LPA: variants seen among roughly 807,000 people sequenced by gnomAD.
The protein encoded by LPA is lipoprotein(a).
In LPA, 199 loss-of-function variants were observed where a neutral mutation model predicts 197.9. The ratio of observed to expected loss-of-function variants is 1.01; its 90% CI spans 0.90 to 1.13. The LOEUF is 1.13. Ranked by LOEUF, LPA falls within the 50% of genes most tolerant of loss-of-function variation. LPA has a pLI of 0.00. For missense variants in LPA, 1,853 were observed against 1,785.8 expected (o/e 1.04, Z -0.68); for synonymous variants, 715 against 639.5 (o/e 1.12, Z -1.78).
chr6:160,661,344 G>C (rs960442319), intron 1 of LPA, among the ~76,000 whole-genome samples: 1 of 152,204 alleles, frequency 6.6e-6, no homozygotes, highest in Non-Finnish European at 1.5e-5. Context: ...GAGAAGCCTG[G>C]CTCTGAAAGC....
chr6:160,589,739 CT>C, intron 23 of LPA, 27 bp from the exon 24 acceptor site: 2 of 1,613,236 alleles, frequency 1.2e-6, no homozygotes, highest in Non-Finnish European at 1.7e-6. Flanking sequence ...AGAAAACAAA[CT>C]GAGTAATTTC....
chr6:160,594,120 GA>G lies in LPA; in HGVS notation c.3470-4del. 1 of 1,613,808 alleles carries G rather than the reference GA, an allele frequency of 6.2e-7. No homozygotes were observed. Among genetic ancestry groups the G allele is most frequent in the Non-Finnish European group, 8.5e-7 (1 of 1,179,764 alleles). On this transcript the variant is annotated splice_polypyrimidine_tract_variant and splice_region_variant and intron_variant, in intron 21 of 38. Coordinates refer to ENST00000316300, the MANE Select transcript of LPA (RefSeq NM_005577.4). ...CCCGGGGCTTTGCTCCGTTGGTGCT[GA>G]AATTCAAAGAGGAGAAATCAAGCTG...
intron 18 of LPA, 134 bp downstream of exon 18, chr6:160,604,912 G>A: frequency 5.0e-6 from 7 of 1,388,826 alleles, no homozygotes; most frequent in Non-Finnish European, 7.1e-6. Context: ...CAAAGACAAT[G>A]TTCCTGAGAC....
At chr6:160,650,981 G>A (rs889579805) in intron 1 of LPA, among the ~76,000 whole-genome samples, 12 of 152,142 alleles carry the variant, frequency 7.9e-5, no homozygotes, top group East Asian at 3.9e-4. Flanking sequence ...ATCTAGCACC[G>A]CAGGCAAAGC....
chr6:160,658,774 G>A (rs758348919), intron 1 of LPA, among the ~76,000 whole-genome samples: 6 of 151,942 alleles, frequency 3.9e-5, no homozygotes, highest in Non-Finnish European at 5.9e-5. Flanking sequence ...CAAAACCAAT[G>A]AAAGAATTCC....
chr6:160,591,245 TC>T, intron 22 of LPA, 144 bp from the exon 23 acceptor site: 1 of 1,040,814 alleles, frequency 9.6e-7, no homozygotes, highest in South Asian at 1.4e-5. Context: ...TCACAAATCG[TC>T]CTCAACTTCT....
At chr6:160,562,983 C>T (rs994420735) in intron 28 of LPA, among the ~76,000 whole-genome samples, 10 of 151,678 alleles carry the variant, frequency 6.6e-5, no homozygotes, top group African/African-American at 2.4e-4. Context: ...TCTGGCTAGG[C>T]TTCTATGTAT....
chr6:160,594,540 A>G (rs1017045103), intron 21 of LPA, among the ~76,000 whole-genome samples: 8 of 152,334 alleles, frequency 5.3e-5, no homozygotes, highest in African/African-American at 1.9e-4. Context: ...CTGATCCTCC[A>G]AAGCCAAAGC....
intron 24 of LPA, among the ~76,000 whole-genome samples, chr6:160,587,468 T>A (rs899521767): frequency 6.6e-6 from 1 of 152,136 alleles, no homozygotes; most frequent in Admixed American, 6.6e-5. Context: ...AGGAACCCCC[T>A]TTTTTTCTTT....
At chr6:160,608,271 T>A (rs781232037) in intron 16 of LPA, among the ~76,000 whole-genome samples, 8 of 152,156 alleles carry the variant, frequency 5.3e-5, no homozygotes, top group Non-Finnish European at 8.8e-5. Context: ...TTCCAAATTC[T>A]TACAGTTTCC....
intron 28 of LPA, among the ~76,000 whole-genome samples, chr6:160,573,776 C>T (rs892081607): frequency 1.3e-5 from 2 of 152,132 alleles, no homozygotes; most frequent in African/African-American, 4.8e-5. Flanking sequence ...TGATGTGAAC[C>T]ATCTATGGGT....
chr6:160,597,430 C>T (rs1219983109), intron 20 of LPA, among the ~76,000 whole-genome samples: 1 of 152,178 alleles, frequency 6.6e-6, no homozygotes, highest in African/African-American at 2.4e-5. Context: ...TGTTTCAATG[C>T]TCGTGTGGCT....
At chr6:160,574,511 A>G (rs78244027) in intron 28 of LPA, among the ~76,000 whole-genome samples, 15,035 of 152,052 alleles carry the variant, frequency 0.099, 948 homozygotes, top group Non-Finnish European at 0.15. Flanking sequence ...CACACTTCTG[A>G]TGGATCTCTG....
At chr6:160,557,689 T>G (rs1369838555) in intron 28 of LPA, 118 bp from the exon 29 acceptor site, 5 of 853,460 alleles carry the variant, frequency 5.9e-6, no homozygotes, top group Non-Finnish European at 9.7e-6. Flanking sequence ...TATTCCCATT[T>G]TAGGTACAAT....
chr6:160,543,173 GA>G (rs1778013241), intron 33 of LPA, among the ~76,000 whole-genome samples: 2 of 152,142 alleles, frequency 1.3e-5, no homozygotes, highest in African/African-American at 4.8e-5. Flanking sequence ...CCAGCTTCAG[GA>G]CAGTTCTTCT....
intron 30 of LPA, among the ~76,000 whole-genome samples, chr6:160,551,076 G>C (rs977406529): frequency 2.0e-5 from 3 of 152,174 alleles, no homozygotes; most frequent in Non-Finnish European, 2.9e-5. Flanking sequence ...CAGGTTTGTA[G>C]GGTAAAAGTG....
chr6:160,582,691 A>G (rs1011502784), intron 26 of LPA, among the ~76,000 whole-genome samples: 2 of 152,078 alleles, frequency 1.3e-5, no homozygotes, highest in African/African-American at 4.8e-5. Context: ...TTAAAATCCT[A>G]TATCTGATCC....
rs762748478 is a variant in LPA, at chr6:160,606,509, G to T, written c.2753C>A (p.Pro918Gln). 2 of 1,613,460 alleles carry T rather than the reference G, an allele frequency of 1.2e-6. No individual in the cohort carries two copies. The highest frequency in any genetic ancestry group is 1.3e-5 in the African/African-American group (1 of 74,892). ...GTAVAPPTIT[P>Q]IPSLEAPSEQ... ...AGAAGGAGCCTCTAGGCTTGGAATCGGGGTAATAGTTGGAGGCGCGACGGC... is the reference window on the plus strand; with the variant it reads ...AGAAGGAGCCTCTAGGCTTGGAATCTGGGTAATAGTTGGAGGCGCGACGGC... Residue 918 changes from proline (P) to glutamine (Q), a missense_variant, in exon 17 of 39, where the codon CCG becomes CAG. Coordinates refer to ENST00000316300, the MANE Select transcript of LPA (RefSeq NM_005577.4).
chr6:160,531,968 C>A, intron 38 of LPA, 78 bp from the exon 39 acceptor site: 8 of 1,487,800 alleles, frequency 5.4e-6, no homozygotes, highest in Non-Finnish European at 7.5e-6. Flanking sequence ...CTTCTCTTAT[C>A]CATATGTACA....
Sources: gnomAD v4.1 joint callset for allele counts (sites outside exome capture counted in the v4.1 genomes callset) on GRCh38, gnomAD v4.1.1 for gene constraint, MANE v1.5 for transcripts, NCBI Gene and HGNC (gene_info 2026-07-23, HGNC 2026-07-21) for gene names.